IRAG2: variants seen among roughly 807,000 people sequenced by gnomAD.
IRAG2 encodes inositol 1,4,5-triphosphate receptor associated 2, also known as lymphoid restricted membrane protein.
Under a neutral mutation model 69.9 loss-of-function variants are expected in IRAG2, and 45 were observed. The observed-to-expected ratio is 0.64, with a 90% confidence interval of 0.51 to 0.83. IRAG2 has a LOEUF of 0.83. Ranked by LOEUF, IRAG2 falls within the 40% of genes least tolerant of loss-of-function variation. The pLI is 0.00. For synonymous variants in IRAG2, 193 were observed against 202.4 expected, an observed-to-expected ratio of 0.95 and a Z score of 0.40; for missense variants, 520 against 587.0, an observed-to-expected ratio of 0.89 and a Z score of 1.18.
At chr12:25,010,560 G>A (rs1944466390) in intron 2 of IRAG2, among the ~76,000 whole-genome samples, 1 of 151,934 alleles carries the variant, frequency 6.6e-6, no homozygotes, top group Admixed American at 6.6e-5. Flanking sequence ...TAAATGACAT[G>A]TTAAGTTTAA....
intron 3 of IRAG2, chr12:25,011,614 C>A: frequency 2.0e-6 from 2 of 1,006,416 alleles, no homozygotes; most frequent in Non-Finnish European, 2.6e-6. Context: ...TATAATTATG[C>A]TAATCACTGT....
intron 6 of IRAG2, chr12:25,076,657 T>C: frequency 1.0e-6 from 1 of 973,194 alleles, no homozygotes; most frequent in Admixed American, 6.1e-5. Flanking sequence ...AATGAAGGCT[T>C]TTCTGACAAG....
chr12:25,031,113 A>G, intron 10 of IRAG2: 3 of 970,664 alleles, frequency 3.1e-6, no homozygotes, highest in Non-Finnish European at 3.7e-6. Context: ...TGAAGAAAGA[A>G]TGATATTTGC....
chr12:25,004,355 G>A, exon 1 of IRAG2: 2 of 1,232,096 alleles, frequency 1.6e-6, no homozygotes, highest in African/African-American at 1.6e-5. Flanking sequence ...GCCTCTCCAA[G>A]GAAGGTAACT....
At chr12:25,096,886 T>G (rs1401012527) in intron 14 of IRAG2, 24 bp from the exon 15 acceptor site, 1 of 1,590,742 alleles carries the variant, frequency 6.3e-7, no homozygotes, top group Admixed American at 1.8e-5. Flanking sequence ...TTAGATATCT[T>G]TTAATATGCT....
At chr12:25,000,340 A>G (rs1325807261), upstream of IRAG2, among the ~76,000 whole-genome samples, 1 of 152,166 alleles carries the variant, frequency 6.6e-6, no homozygotes, top group East Asian at 1.9e-4. Context: ...CTAGCTATTG[A>G]GGAAGCTGAG....
chr12:25,032,483 T>C (rs537548929), intron 12 of IRAG2: 5 of 397,758 alleles, frequency 1.3e-5, no homozygotes, highest in South Asian at 1.4e-4. Flanking sequence ...TTGTATGTGA[T>C]ATTTTCTCTA....
At chr12:25,072,387 C>T (rs896091492) in intron 6 of IRAG2, among the ~76,000 whole-genome samples, 4 of 152,096 alleles carry the variant, frequency 2.6e-5, no homozygotes, top group African/African-American at 7.2e-5. Context: ...CAATTCTCAA[C>T]CTTCCCATTC....
intron 3 of IRAG2, among the ~76,000 whole-genome samples, chr12:25,013,440 T>C (rs1944493305): frequency 1.3e-5 from 2 of 152,152 alleles, no homozygotes; most frequent in Non-Finnish European, 2.9e-5. Context: ...ACAGAGCCAC[T>C]ACACTTCAGC....
intron 2 of IRAG2, among the ~76,000 whole-genome samples, chr12:25,006,648 CA>C (rs1236875090): frequency 6.6e-6 from 1 of 152,080 alleles, no homozygotes; most frequent in African/African-American, 2.4e-5. Context: ...TGCATGTTCT[CA>C]ATTTTAAGTG....
intron 4 of IRAG2, among the ~76,000 whole-genome samples, chr12:25,064,882 G>A (rs1945868218): frequency 6.6e-6 from 1 of 152,146 alleles, no homozygotes; most frequent in South Asian, 2.1e-4. Context: ...TTGAGGTCAG[G>A]AGTTGGAGAC....
intron 6 of IRAG2, chr12:25,075,824 ACTTT>A (rs1946657440): frequency 6.6e-6 from 1 of 152,018 alleles, no homozygotes; most frequent in Non-Finnish European, 1.5e-5. Context: ...TCTCATCTGA[ACTTT>A]CTTTTTCTTA....
chr12:25,026,648 G>C, intron 8 of IRAG2: 1 of 395,482 alleles, frequency 2.5e-6, no homozygotes, highest in African/African-American at 2.1e-5. Context: ...TTATGACTAT[G>C]GGAGTAGTGG....
intron 10 of IRAG2, 106 bp from the exon 11 acceptor site, chr12:25,087,994 A>T (rs145398182): frequency 2.5e-6 from 2 of 784,578 alleles, no homozygotes; most frequent in Non-Finnish European, 2.2e-6. Context: ...CTGCTGTTAT[A>T]GAGTGTTTTT....
chr12:25,043,870 G>T (rs753261203), intron 16 of IRAG2, among the ~76,000 whole-genome samples: 1 of 152,088 alleles, frequency 6.6e-6, no homozygotes, highest in African/African-American at 2.4e-5. Flanking sequence ...ACAAAATAAA[G>T]CTCCAGAAAC....
At chr12:25,004,596 C>A in exon 1 of IRAG2, 2 of 1,232,128 alleles carry the variant, frequency 1.6e-6, no homozygotes, top group Non-Finnish European at 1.0e-6. Flanking sequence ...TCGATGCCTT[C>A]ATTTCATCGC....
intron 6 of IRAG2, among the ~76,000 whole-genome samples, chr12:25,073,211 A>G (rs1946445652): frequency 6.6e-6 from 1 of 152,198 alleles, no homozygotes; most frequent in Non-Finnish European, 1.5e-5. Context: ...TGTCATCTGT[A>G]TGCTGGTTTG....
chr12:25,106,327 CAT>C (rs1044983718), intron 20 of IRAG2, among the ~76,000 whole-genome samples: 3 of 145,482 alleles, frequency 2.1e-5, no homozygotes, highest in Non-Finnish European at 4.5e-5. Flanking sequence ...ATATACAAAA[CAT>C]ATATACAACA....
At position 25,062,805 on chromosome 12, in the gene IRAG2, A is replaced by G. The variant is rs1049402582; in HGVS notation, c.-384-15A>G. On this transcript the variant is annotated splice_polypyrimidine_tract_variant and intron_variant, in intron 2 of 21. Coordinates refer to ENST00000556887, the MANE Select transcript of IRAG2 (RefSeq NM_001366544.2). ...ATTCTGTCTTTGAATACACTCTACC[A>G]TTTTCTCTTGACAGAGCTTTTTAGA... is the stretch of plus-strand genomic sequence containing the variant. 4 of 398,670 alleles carry G rather than the reference A, an allele frequency of 1.0e-5. No individual in the cohort carries two copies. Among genetic ancestry groups the G allele is most frequent in the African/African-American group, 8.2e-5 (4 of 48,570 alleles). The allele number at this position is 398,670 out of a possible 1,614,324, so 24.7% of individuals were successfully genotyped here.
Sources: gnomAD v4.1 joint callset for allele counts (sites outside exome capture counted in the v4.1 genomes callset) on GRCh38, gnomAD v4.1.1 for gene constraint, MANE v1.5 for transcripts, NCBI Gene and HGNC (gene_info 2026-07-23, HGNC 2026-07-21) for gene names.